The following FBN2 variants were observed in gnomAD, a reference collection of about 807,000 sequenced individuals.
The protein encoded by FBN2 is fibrillin 2.
FBN2 carries 105 observed loss-of-function variants against 355.6 expected under a neutral mutation model. The observed-to-expected ratio is 0.30, with a 90% CI of 0.25 to 0.35. The LOEUF is 0.35. Ranked by LOEUF, FBN2 falls within the 10% of genes least tolerant of loss-of-function variation. The probability of loss-of-function intolerance (pLI) is 1.00; values close to 1 mark genes in which losing one functional copy is unlikely to be tolerated. For synonymous variants in FBN2, 1,350 were observed against 1,301.2 expected (o/e 1.04, Z -0.81); for missense variants, 3,280 against 3,758.7 (o/e 0.87, Z 3.33).
chr5:128,339,146 T>C, intron 25 of FBN2, 85 bp from the exon 26 acceptor site: 13 of 1,405,094 alleles, frequency 9.3e-6, no homozygotes, highest in Middle Eastern at 1.8e-4. Context: ...GCTTGAAAAG[T>C]TGGGGAAATT....
At chr5:128,438,059 C>A (rs937321587) in intron 7 of FBN2, among the ~76,000 whole-genome samples, 12 of 152,168 alleles carry the variant, frequency 7.9e-5, no homozygotes, top group African/African-American at 2.9e-4. Context: ...GGCATGATCC[C>A]AGGTAACTGC....
chr5:128,288,962 C>G (rs1009919671), intron 52 of FBN2, among the ~76,000 whole-genome samples, 165 bp downstream of exon 52: 2 of 152,202 alleles, frequency 1.3e-5, no homozygotes, highest in Admixed American at 6.5e-5. Flanking sequence ...TCACATAAAT[C>G]AGGTCTGACT....
chr5:128,477,544 A>T (rs1755038573), intron 5 of FBN2, among the ~76,000 whole-genome samples: 1 of 152,198 alleles, frequency 6.6e-6, no homozygotes, highest in Non-Finnish European at 1.5e-5. Context: ...TATAAAACAC[A>T]ACTACACAAC....
At position 128,469,839 on chromosome 5, in the gene FBN2, G is replaced by A. The variant is rs541669591; in HGVS notation, c.629-4918C>T. ...TGATGGTGTCATTTCCTGATATACTGGTAATAGAAGACAATCAGGATTTTA... is the reference window on the plus strand; with the variant it reads ...TGATGGTGTCATTTCCTGATATACTAGTAATAGAAGACAATCAGGATTTTA... On this transcript the variant is annotated intron_variant, in intron 5 of 64. Coordinates refer to ENST00000262464, the MANE Select transcript of FBN2 (RefSeq NM_001999.4). Among the ~76,000 whole-genome samples, 8 of 152,260 alleles carry A rather than the reference G, an allele frequency of 5.3e-5. No homozygotes were observed. In the South Asian group the frequency reaches 1.7e-3, roughly 32 times the overall value.
intron 4 of FBN2, among the ~76,000 whole-genome samples, chr5:128,520,146 G>T (rs559370727): frequency 6.6e-6 from 1 of 152,156 alleles, no homozygotes; most frequent in East Asian, 1.9e-4. Context: ...CTTGTGACCT[G>T]GGAGACCAGG....
At chr5:128,339,929 A>T (rs1403715574) in intron 25 of FBN2, among the ~76,000 whole-genome samples, 1 of 152,196 alleles carries the variant, frequency 6.6e-6, no homozygotes, top group Non-Finnish European at 1.5e-5. Context: ...TAAAGAGCTT[A>T]TTGATTTAGT....
At chr5:128,362,170 A>G (rs972648792) in intron 18 of FBN2, among the ~76,000 whole-genome samples, 5 of 152,206 alleles carry the variant, frequency 3.3e-5, no homozygotes, top group African/African-American at 9.6e-5. Context: ...TTCATAAAAG[A>G]TATCAAAAGG....
At chr5:128,385,887 T>A (rs1167478559) in intron 11 of FBN2, among the ~76,000 whole-genome samples, 2 of 151,970 alleles carry the variant, frequency 1.3e-5, no homozygotes, top group Non-Finnish European at 2.9e-5. Flanking sequence ...TAATGAGATT[T>A]TTTTTTTGCT....
intron 11 of FBN2, among the ~76,000 whole-genome samples, chr5:128,389,968 C>T (rs1166742227): frequency 6.6e-6 from 1 of 152,132 alleles, no homozygotes; most frequent in Non-Finnish European, 1.5e-5. Context: ...AATGCTCTTC[C>T]TGGCTGTGTC....
rs149068555 is a variant in FBN2, at chr5:128,500,430, C to CTTTTTTTT, written c.628+18835_628+18842dup. 8.6e-3 allele frequency among the ~76,000 whole-genome samples: 439 copies of CTTTTTTTT among 51,188 alleles called. 63 individuals are homozygous for CTTTTTTTT. Among genetic ancestry groups the CTTTTTTTT allele is most frequent in the Non-Finnish European group, 0.01 (311 of 29,620 alleles). 33.6% of individuals were successfully genotyped at this position (51,188 alleles called of 152,430 possible). A position where few individuals can be genotyped will look rare whatever the true frequency, so the allele number is the denominator to read the frequency against. ...TGAAAATGATGAGACTCTGACAATT[C>CTTTTTTTT]TTTTTTTTTTTTTTTTTTTTTTTTT... On this transcript the variant is annotated intron_variant, in intron 5 of 64. Transcript: ENST00000262464.
chr5:128,355,507 T>C (rs529710580), intron 20 of FBN2, among the ~76,000 whole-genome samples: 1 of 152,300 alleles, frequency 6.6e-6, no homozygotes, highest in Non-Finnish European at 1.5e-5. Context: ...ATCCAACTAA[T>C]TCATATATAA....
intron 11 of FBN2, among the ~76,000 whole-genome samples, chr5:128,382,635 T>C (rs1317381617): frequency 6.6e-6 from 1 of 152,110 alleles, no homozygotes; most frequent in Admixed American, 6.6e-5. Flanking sequence ...CCTCCCAATC[T>C]GCACCTTCTT....
intron 6 of FBN2, among the ~76,000 whole-genome samples, chr5:128,450,506 A>G (rs1754208722): frequency 6.6e-6 from 1 of 152,154 alleles, no homozygotes; most frequent in Non-Finnish European, 1.5e-5. Flanking sequence ...ATGAAGATAC[A>G]CCATATCAAA....
chr5:128,380,649 T>C (rs1752209756), intron 11 of FBN2, among the ~76,000 whole-genome samples: 2 of 152,116 alleles, frequency 1.3e-5, no homozygotes, highest in East Asian at 1.9e-4. Flanking sequence ...AAAAAAGCAA[T>C]TAGTGACTTT....
At chr5:128,445,573 T>C (rs1754042436) in intron 7 of FBN2, among the ~76,000 whole-genome samples, 1 of 152,140 alleles carries the variant, frequency 6.6e-6, no homozygotes, top group South Asian at 2.1e-4. Flanking sequence ...AAACTACTTT[T>C]GGAAAGAGAA....
rs1458463086 is a variant in FBN2 at position 128,288,522 on chromosome 5, T to C, written c.6673A>G (p.Asn2225Asp). The change falls in exon 53 of 65, where the codon AAT becomes GAT. Residue 2225 changes from asparagine to aspartate, a missense_variant. Asn to Asp is a conservative substitution (Grantham distance 23). Transcript: ENST00000262464. ...CCAATAACATTGGTGCATGTACCATTTCCACACGGATTGCCGATTGAACAC... is the reference window on the plus strand; with the variant it reads ...CCAATAACATTGGTGCATGTACCATCTCCACACGGATTGCCGATTGAACAC... ...DECSIGNPCG[N>D]GTCTNVIGSF... 1.2e-6 allele frequency: 2 copies of C among 1,613,824 alleles called. No homozygotes were observed. Among genetic ancestry groups the C allele is most frequent in the East Asian group, 2.2e-5 (1 of 44,882 alleles).
chr5:128,420,336 CCA>C (rs1306100685), intron 7 of FBN2, among the ~76,000 whole-genome samples: 1 of 152,126 alleles, frequency 6.6e-6, no homozygotes, highest in African/African-American at 2.4e-5. Context: ...TCCAGACCAG[CCA>C]CTTAACATAA....
At chr5:128,496,939 C>T (rs1036380473) in intron 5 of FBN2, among the ~76,000 whole-genome samples, 1 of 151,922 alleles carries the variant, frequency 6.6e-6, no homozygotes. Flanking sequence ...ACTGAAACAA[C>T]TCTATTACAA....
At chr5:128,281,377 A>G (rs973516420) in intron 55 of FBN2, among the ~76,000 whole-genome samples, 7 of 152,200 alleles carry the variant, frequency 4.6e-5, no homozygotes, top group Admixed American at 1.3e-4. Flanking sequence ...TACAGTGGAA[A>G]CCACTGAACA....
Sources: allele counts gnomAD v4.1 joint callset (sites outside exome capture counted in the v4.1 genomes callset), GRCh38; gene constraint gnomAD v4.1.1; transcripts MANE v1.5; gene names NCBI Gene and HGNC (gene_info 2026-07-23, HGNC 2026-07-21).